The following RPN1 variants were observed in gnomAD, a reference collection of about 807,000 sequenced individuals.
RPN1 encodes the protein ribophorin I.
RPN1 carries 12 observed loss-of-function variants against 55.5 expected under a neutral mutation model. The ratio of observed to expected loss-of-function variants is 0.22; its 90% CI spans 0.14 to 0.35. The LOEUF (loss-of-function observed/expected upper bound fraction) is 0.35. Among genes scored for constraint, RPN1 ranks in the 10% least tolerant of loss-of-function variants. RPN1 has a pLI of 1.00. For missense variants in RPN1, 679 were observed against 761.3 expected (o/e 0.89, Z 1.27); for synonymous variants, 317 against 305.9 (o/e 1.04, Z -0.38).
At position 128,629,997 on chromosome 3, in the gene RPN1, G is replaced by A; in HGVS notation, c.990C>T (p.Tyr330=). 6.2e-7 allele frequency: 1 copy of A among 1,613,632 alleles called. No homozygotes were observed. Among genetic ancestry groups the A allele is most frequent in the Non-Finnish European group, 8.5e-7 (1 of 1,179,574 alleles). Residue 330 remains tyrosine, a synonymous_variant, in exon 5 of 10, where the codon TAC becomes TAT. Transcript: ENST00000296255. ...FPLFGGWKTH[Y]IVGYNLPSYE... is the part of the protein sequence containing the mutation. ...AGCTTGGGAGGTTGTAGCCAACGAT[G>A]TAATGGGTCTTCCACCCGCCAAAGA...
chr3:128,633,682 A>T (rs1178888197), intron 3 of RPN1, among the ~76,000 whole-genome samples: 1 of 152,188 alleles, frequency 6.6e-6, no homozygotes, highest in African/African-American at 2.4e-5. Context: ...AAGCTCTAGG[A>T]CATCAAATCA....
In RPN1 at chr3:128,620,190, G is replaced by GT. The variant is rs1190884051; in HGVS notation, c.*220dup. ...CAAAGATGTTTTGTTTTTAATGGGA[G>GT]TTTTTTTAAAGTTTTCTTTTTTTAA... On this transcript the variant is annotated 3_prime_UTR_variant, in exon 10 of 10. Transcript: ENST00000296255. 1.1e-5 allele frequency: 4 copies of GT among 374,196 alleles called. No individual in the cohort carries two copies. The highest frequency in any genetic ancestry group is 1.9e-5 in the Non-Finnish European group (4 of 212,154). The allele number at this position is 374,196 out of a possible 1,614,324, so 23.2% of individuals were successfully genotyped here.
At chr3:128,626,554 A>C (rs1174994057) in intron 6 of RPN1, among the ~76,000 whole-genome samples, 179 bp downstream of exon 6, 1 of 152,202 alleles carries the variant, frequency 6.6e-6, no homozygotes, top group Non-Finnish European at 1.5e-5. Flanking sequence ...GGGGTCTCTC[A>C]TTCTGGCAGT....
At chr3:128,648,853 C>G (rs778949060) in intron 1 of RPN1, among the ~76,000 whole-genome samples, 2 of 152,202 alleles carry the variant, frequency 1.3e-5, no homozygotes, top group Non-Finnish European at 1.5e-5. Context: ...AGTGTGAGAA[C>G]ACACAACTTA....
intron 2 of RPN1, among the ~76,000 whole-genome samples, chr3:128,639,455 G>GAAAAAA (rs370062932): frequency 7.3e-5 from 6 of 81,636 alleles, no homozygotes; most frequent in East Asian, 3.0e-4. Context: ...ACCGTCTCAA[G>GAAAAAA]AAAAAAAAAA....
intron 3 of RPN1, 86 bp downstream of exon 3, chr3:128,637,713 C>T (rs62270783): frequency 0.023 from 33,033 of 1,406,748 alleles, 500 homozygotes; most frequent in African/African-American, 0.06. Context: ...ATCCACCCCA[C>T]ACCACCCAAG....
rs890888935 is a variant in RPN1 at position 128,634,297 on chromosome 3, C to T, written c.634-2140G>A. On this transcript the variant is annotated intron_variant, in intron 3 of 9. Coordinates refer to ENST00000296255, the MANE Select transcript of RPN1 (RefSeq NM_002950.4). ...GAGCTGAGATTGCACCACTACACTC[C>T]AGCCTGGGCGAGAGTAAGACCCTGT... Among the ~76,000 whole-genome samples the T allele has an allele frequency of 6.6e-5, 10 of 151,458 alleles. No homozygotes were observed. In the East Asian group the frequency reaches 9.7e-4, roughly 15 times the overall value.
chr3:128,625,794 G>A (rs2069594463), intron 7 of RPN1, 80 bp downstream of exon 7: 4 of 1,554,694 alleles, frequency 2.6e-6, no homozygotes, highest in Admixed American at 3.6e-5. Context: ...GCCCAAGGAG[G>A]GACAGAAGGT....
intron 2 of RPN1, among the ~76,000 whole-genome samples, chr3:128,641,952 A>G (rs1168153296): frequency 3.3e-5 from 5 of 152,146 alleles, no homozygotes; most frequent in African/African-American, 1.2e-4. Context: ...GGTAAACACT[A>G]TTATTTTACT....
chr3:128,631,150 G>A (rs1439144759), intron 4 of RPN1, among the ~76,000 whole-genome samples: 1 of 150,708 alleles, frequency 6.6e-6, no homozygotes, highest in Non-Finnish European at 1.5e-5. Flanking sequence ...GCTGGGCATG[G>A]TGGCTCACGC....
rs150209494 is a variant in RPN1, at chr3:128,643,752, G to A, written c.326+1167C>T. ...GGAGGTTGCAGTGAGCCAAGATTGCGCCATTGCACTCCAGCCCAGGCAAAG... is the reference window on the plus strand; with the variant it reads ...GGAGGTTGCAGTGAGCCAAGATTGCACCATTGCACTCCAGCCCAGGCAAAG... On this transcript the variant is annotated intron_variant, in intron 2 of 9. Coordinates refer to ENST00000296255, the MANE Select transcript of RPN1 (RefSeq NM_002950.4). Among the ~76,000 whole-genome samples the A allele has an allele frequency of 1.7e-3, 251 of 151,392 alleles. 2 individuals carry two copies. The highest frequency in any genetic ancestry group is 5.5e-3 in the African/African-American group (227 of 41,236).
intron 2 of RPN1, among the ~76,000 whole-genome samples, chr3:128,643,245 T>C (rs2069741047): frequency 6.7e-6 from 1 of 150,204 alleles, no homozygotes; most frequent in Non-Finnish European, 1.5e-5. Context: ...GAGAATCGCT[T>C]GAACCTAGGA....
intron 5 of RPN1, 79 bp downstream of exon 5, chr3:128,629,872 A>G (rs2069629152): frequency 2.5e-6 from 2 of 799,996 alleles, no homozygotes; most frequent in South Asian, 1.8e-5. Context: ...CACCCCATCT[A>G]TAAAGACTGA....
At chr3:128,626,609 G>A in intron 6 of RPN1, 124 bp downstream of exon 6, 1 of 794,256 alleles carries the variant, frequency 1.3e-6, no homozygotes, top group East Asian at 2.6e-5. Context: ...GATGTTCCCT[G>A]ATAAAGTAAA....
At chr3:128,630,254 TA>T (rs755549854) in intron 4 of RPN1, 111 bp from the exon 5 acceptor site, 4 of 611,342 alleles carry the variant, frequency 6.5e-6, no homozygotes, top group South Asian at 3.2e-5. Flanking sequence ...ACTACTTAAT[TA>T]AAATAGTCCC....
At chr3:128,646,798 C>T (rs1219516848) in intron 1 of RPN1, among the ~76,000 whole-genome samples, 2 of 151,730 alleles carry the variant, frequency 1.3e-5, no homozygotes, top group East Asian at 1.9e-4. Flanking sequence ...CATGGTGAAA[C>T]CCCATCTCTA....
chr3:128,631,266 G>A (rs138605244), intron 4 of RPN1, among the ~76,000 whole-genome samples: 4,305 of 152,032 alleles, frequency 0.028, 83 homozygotes, highest in Middle Eastern at 0.044. Flanking sequence ...CTGAAGTCAG[G>A]AGTTCGAGAC....
chr3:128,639,472 A>G (rs1047642727), intron 2 of RPN1, among the ~76,000 whole-genome samples: 34 of 152,146 alleles, frequency 2.2e-4, no homozygotes, highest in Non-Finnish European at 1.5e-4. Flanking sequence ...AAAAAAAAAA[A>G]AATGAATGAA....
At chr3:128,643,242 G>C (rs1016354360) in intron 2 of RPN1, among the ~76,000 whole-genome samples, 8 of 150,182 alleles carry the variant, frequency 5.3e-5, no homozygotes, top group African/African-American at 2.0e-4. Context: ...CAGGAGAATC[G>C]CTTGAACCTA....
Sources: allele counts gnomAD v4.1 joint callset (sites outside exome capture counted in the v4.1 genomes callset), GRCh38; gene constraint gnomAD v4.1.1; transcripts MANE v1.5; gene names NCBI Gene and HGNC (gene_info 2026-07-23, HGNC 2026-07-21).